RIN2: variants seen among roughly 807,000 people sequenced by gnomAD.
RIN2 encodes the protein Ras and Rab interactor 2.
In RIN2, 36 loss-of-function variants were observed where a neutral mutation model predicts 78.0. The ratio of observed to expected loss-of-function variants is 0.46; its 90% confidence interval spans 0.35 to 0.61. The LOEUF (loss-of-function observed/expected upper bound fraction) is 0.61, where lower values mean the gene tolerates loss of function less well. RIN2 is among the 20% of genes least tolerant of loss of function. The pLI is 0.00. For synonymous variants in RIN2, 466 were observed against 466.8 expected, an observed-to-expected ratio of 1.00 and a Z score of 0.02; for missense variants, 1,087 against 1,159.7, an observed-to-expected ratio of 0.94 and a Z score of 0.91.
At chr20:19,962,697 T>C (rs1272580769) in intron 6 of RIN2, among the ~76,000 whole-genome samples, 1 of 152,060 alleles carries the variant, frequency 6.6e-6, no homozygotes, top group African/African-American at 2.4e-5. Flanking sequence ...AAGGAAGGAC[T>C]TGCTATAAAA....
At chr20:19,922,618 C>T (rs751897330) in intron 3 of RIN2, among the ~76,000 whole-genome samples, 2 of 152,310 alleles carry the variant, frequency 1.3e-5, no homozygotes, top group African/African-American at 2.4e-5. Flanking sequence ...AGGAGTACCA[C>T]GTGCTCCATT....
intron 2 of RIN2, among the ~76,000 whole-genome samples, chr20:19,841,118 G>A (rs1049845814): frequency 1.3e-5 from 2 of 152,088 alleles, no homozygotes; most frequent in African/African-American, 4.8e-5. Context: ...TGCCAAGAGT[G>A]AGAGTGAGAG....
At chr20:19,897,103 TTTG>T (rs1273479595) in intron 3 of RIN2, among the ~76,000 whole-genome samples, 3 of 152,050 alleles carry the variant, frequency 2.0e-5, no homozygotes, top group South Asian at 2.1e-4. Context: ...CCAGCTACAT[TTTG>T]TTGTTGTTGT....
At chr20:19,798,185 T>G (rs950652529) in intron 1 of RIN2, among the ~76,000 whole-genome samples, 1 of 152,152 alleles carries the variant, frequency 6.6e-6, no homozygotes, top group African/African-American at 2.4e-5. Flanking sequence ...TGCTTTGAAA[T>G]ATAATAAATG....
At chr20:19,823,140 T>C (rs1380286679) in intron 2 of RIN2, among the ~76,000 whole-genome samples, 2 of 152,186 alleles carry the variant, frequency 1.3e-5, no homozygotes, top group African/African-American at 4.8e-5. Flanking sequence ...CCTTTAGTGA[T>C]TCCCTGGGAT....
At chr20:19,920,078 A>C (rs2039849441) in intron 3 of RIN2, among the ~76,000 whole-genome samples, 2 of 152,082 alleles carry the variant, frequency 1.3e-5, no homozygotes, top group Non-Finnish European at 2.9e-5. Flanking sequence ...GCAGATCACA[A>C]GGTCAGAAGA....
At chr20:19,877,545 GGA>G (rs1410830060) in intron 2 of RIN2, among the ~76,000 whole-genome samples, 1 of 152,194 alleles carries the variant, frequency 6.6e-6, no homozygotes, top group African/African-American at 2.4e-5. Flanking sequence ...ATGCTTCTCA[GGA>G]GAGAGTCTGA....
chr20:19,794,328 G>A (rs542593080), intron 1 of RIN2, among the ~76,000 whole-genome samples: 21 of 152,230 alleles, frequency 1.4e-4, no homozygotes, highest in African/African-American at 4.3e-4. Flanking sequence ...GGCCACGGCG[G>A]GCAGATCACC....
chr20:19,816,665 G>C (rs1445761952), intron 2 of RIN2, among the ~76,000 whole-genome samples: 1 of 152,184 alleles, frequency 6.6e-6, no homozygotes, highest in Non-Finnish European at 1.5e-5. Context: ...TGGTTGCCTT[G>C]CAGTTAGAAC....
intron 2 of RIN2, among the ~76,000 whole-genome samples, chr20:19,825,428 T>C (rs1187226730): frequency 6.6e-6 from 1 of 152,206 alleles, no homozygotes. Flanking sequence ...AGCCTCGCTT[T>C]CAGAAGACAG....
At chr20:19,929,213 G>A (rs1600839219) in intron 3 of RIN2, among the ~76,000 whole-genome samples, 1 of 152,338 alleles carries the variant, frequency 6.6e-6, no homozygotes, top group East Asian at 1.9e-4. Flanking sequence ...CAGATGTTTA[G>A]ACAGCCCCTC....
At chr20:19,798,904 ATT>A (rs34198043) in intron 1 of RIN2, among the ~76,000 whole-genome samples, 18 of 147,396 alleles carry the variant, frequency 1.2e-4, no homozygotes, top group Non-Finnish European at 2.1e-4. Flanking sequence ...TAATATAGTA[ATT>A]TTTTTTTTTT....
intron 1 of RIN2, among the ~76,000 whole-genome samples, chr20:19,797,603 T>A (rs902692695): frequency 6.6e-6 from 1 of 152,200 alleles, no homozygotes; most frequent in Non-Finnish European, 1.5e-5. Flanking sequence ...TTAGAAGACA[T>A]TGTGAAGTGA....
intron 2 of RIN2, among the ~76,000 whole-genome samples, chr20:19,888,885 C>T (rs140291763): frequency 6.6e-6 from 1 of 152,304 alleles, no homozygotes; most frequent in East Asian, 1.9e-4. Flanking sequence ...ATTCCAAGCC[C>T]AAAAAGCTAC....
chr20:19,948,191 A>G (rs2041172807), intron 4 of RIN2, among the ~76,000 whole-genome samples: 1 of 126,124 alleles, frequency 7.9e-6, no homozygotes, highest in Non-Finnish European at 1.8e-5. Flanking sequence ...TCGCACAGAC[A>G]CACGGAAGGG....
rs528124723 is a variant in RIN2, at chr20:19,840,207, G to T, written c.-37+40460G>T. 2.7e-4 allele frequency among the ~76,000 whole-genome samples: 41 copies of T among 152,308 alleles called. No homozygotes were observed. The South Asian group carries it at 8.3e-3, about 31-fold the overall frequency. ...AAACAGAGAAACAGAAACTTGGAGA[G>T]AACATTCCTGGTCACACAAAGGTTT... On this transcript the variant is annotated intron_variant, in intron 2 of 12. Coordinates refer to ENST00000255006, the MANE Select transcript of RIN2 (RefSeq NM_018993.4).
intron 2 of RIN2, among the ~76,000 whole-genome samples, chr20:19,801,081 A>G (rs2035227003): frequency 6.6e-6 from 1 of 152,204 alleles, no homozygotes; most frequent in Non-Finnish European, 1.5e-5. Flanking sequence ...GAAAAATGTT[A>G]GAGAACTATT....
Position 20,000,965 on chromosome 20 carries a change from T to C in RIN2, c.*29T>C. 1 of 1,565,038 alleles carries C rather than the reference T, an allele frequency of 6.4e-7. No homozygotes were observed. The highest frequency in any genetic ancestry group is 8.7e-7 in the Non-Finnish European group (1 of 1,152,200). On this transcript the variant is annotated 3_prime_UTR_variant, in exon 13 of 13. Coordinates refer to ENST00000255006, the MANE Select transcript of RIN2 (RefSeq NM_018993.4). ...ACAGGCGGGACTTCCCAGTGGTGCA[T>C]CCAAAGGGGAGCTGGAAGCCTTGCC...
chr20:19,989,056 T>C (rs2042712456), intron 9 of RIN2, among the ~76,000 whole-genome samples: 1 of 152,116 alleles, frequency 6.6e-6, no homozygotes, highest in Non-Finnish European at 1.5e-5. Flanking sequence ...TCAATGCATA[T>C]TTCCTAAAAA....
Sources: gnomAD v4.1 joint callset for allele counts (sites outside exome capture counted in the v4.1 genomes callset) on GRCh38, gnomAD v4.1.1 for gene constraint, MANE v1.5 for transcripts, NCBI Gene and HGNC (gene_info 2026-07-23, HGNC 2026-07-21) for gene names.